Variants in EYS observed in about 807,000 individuals in gnomAD.
EYS encodes EGF-like photoreceptor maintenance factor.
EYS carries 250 observed loss-of-function variants against 282.1 expected under a neutral mutation model. The ratio of observed to expected loss-of-function variants is 0.89; its 90% confidence interval spans 0.80 to 0.98. The LOEUF is 0.98. Ranked by LOEUF, EYS falls within the 50% of genes least tolerant of loss-of-function variation. EYS has a pLI of 0.00. For synonymous variants in EYS, 1,355 were observed against 1,282.9 expected, an observed-to-expected ratio of 1.06 and a Z score of -1.20; for missense variants, 4,016 against 3,709.0, an observed-to-expected ratio of 1.08 and a Z score of -2.15.
intron 22 of EYS, among the ~76,000 whole-genome samples, chr6:64,803,072 T>A (rs958633448): frequency 6.6e-6 from 1 of 152,170 alleles, no homozygotes; most frequent in Non-Finnish European, 1.5e-5. Context: ...ATGCAGTGGT[T>A]CCCAGAAGCT....
intron 21 of EYS, among the ~76,000 whole-genome samples, chr6:64,816,929 TAAG>T (rs1487546944): frequency 6.6e-6 from 1 of 151,338 alleles, no homozygotes; most frequent in Non-Finnish European, 1.5e-5. Context: ...AGAATATTAA[TAAG>T]AAGAAAGTAG....
chr6:64,441,345 G>A (rs1007000633), intron 26 of EYS, among the ~76,000 whole-genome samples: 60 of 152,314 alleles, frequency 3.9e-4, no homozygotes, highest in African/African-American at 1.4e-3. Flanking sequence ...CTCAGGGGAT[G>A]TCAAAACTGT....
intron 30 of EYS, among the ~76,000 whole-genome samples, chr6:64,299,049 C>A (rs1167843613): frequency 1.3e-5 from 2 of 152,126 alleles, no homozygotes; most frequent in Non-Finnish European, 2.9e-5. Flanking sequence ...TAGACACAAA[C>A]CTTCTTGGAA....
intron 18 of EYS, among the ~76,000 whole-genome samples, chr6:64,897,621 A>G (rs1767516274): frequency 1.3e-5 from 2 of 152,226 alleles, no homozygotes; most frequent in South Asian, 4.1e-4. Context: ...AATTGACAAA[A>G]GTAGGCTTTA....
At chr6:63,948,267 C>T (rs1765457706) in intron 35 of EYS, among the ~76,000 whole-genome samples, 1 of 152,200 alleles carries the variant, frequency 6.6e-6, no homozygotes. Context: ...GATGGATATG[C>T]CTTTTTTCTC....
chr6:65,571,689 T>A (rs1443233272), intron 2 of EYS, among the ~76,000 whole-genome samples: 1 of 152,000 alleles, frequency 6.6e-6, no homozygotes, highest in Non-Finnish European at 1.5e-5. Context: ...ACAACAATAG[T>A]TCGATAATGA....
chr6:64,502,691 C>G (rs1432063149), intron 26 of EYS, among the ~76,000 whole-genome samples: 2 of 151,566 alleles, frequency 1.3e-5, no homozygotes, highest in Non-Finnish European at 2.9e-5. Context: ...CTGCTATTGA[C>G]AGTTTTGTTT....
At chr6:63,857,239 A>C (rs1375198510) in intron 36 of EYS, among the ~76,000 whole-genome samples, 6 of 152,194 alleles carry the variant, frequency 3.9e-5, no homozygotes. Context: ...GAAAGAAGGA[A>C]GATTTGGAGG....
chr6:64,170,608 T>G (rs536341257), intron 31 of EYS, among the ~76,000 whole-genome samples: 15 of 150,684 alleles, frequency 1.0e-4, no homozygotes, highest in Non-Finnish European at 1.9e-4. Flanking sequence ...TCCAAATCTC[T>G]CCTTATAGCA....
chr6:64,074,057 A>C (rs1771681496), intron 32 of EYS, among the ~76,000 whole-genome samples: 1 of 151,736 alleles, frequency 6.6e-6, no homozygotes, highest in Non-Finnish European at 1.5e-5. Flanking sequence ...GCTTTGTAGT[A>C]AGTTTTAAAA....
chr6:64,296,598 A>ACATATATATATAT (rs1769033771), intron 30 of EYS, among the ~76,000 whole-genome samples: 1 of 20,126 alleles, frequency 5.0e-5, no homozygotes, highest in Admixed American at 7.8e-4. Context: ...ATATATATAT[A>ACATATATATATAT]TTTTTTTTTT....
intron 22 of EYS, among the ~76,000 whole-genome samples, chr6:64,777,837 A>G (rs1275306728): frequency 2.0e-5 from 3 of 152,230 alleles, no homozygotes; most frequent in East Asian, 3.9e-4. Context: ...TAATCTCAAC[A>G]CTTTGAAGGA....
At chr6:65,605,945 C>T (rs1421322247) in intron 2 of EYS, among the ~76,000 whole-genome samples, 1 of 151,492 alleles carries the variant, frequency 6.6e-6, no homozygotes, top group African/African-American at 2.4e-5. Flanking sequence ...TATACATTTC[C>T]TTTTACACAT....
chr6:65,109,577 T>G (rs184062657), intron 12 of EYS, among the ~76,000 whole-genome samples: 1 of 151,978 alleles, frequency 6.6e-6, no homozygotes, highest in Non-Finnish European at 1.5e-5. Flanking sequence ...GCCCCCCCTT[T>G]GGCTCTTTCC....
chr6:65,009,317 A>G (rs955313997), intron 13 of EYS, among the ~76,000 whole-genome samples: 1 of 152,100 alleles, frequency 6.6e-6, no homozygotes, highest in Admixed American at 6.5e-5. Context: ...CAGTATTCCA[A>G]TTTTAGGAGT....
At chr6:64,762,531 A>G (rs943262387) in intron 22 of EYS, among the ~76,000 whole-genome samples, 1 of 152,188 alleles carries the variant, frequency 6.6e-6, no homozygotes, top group African/African-American at 2.4e-5. Context: ...ACAGTAAGAA[A>G]TGATTAAATT....
At chr6:64,754,025 A>C (rs1562172488) in intron 22 of EYS, among the ~76,000 whole-genome samples, 1 of 152,170 alleles carries the variant, frequency 6.6e-6, no homozygotes, top group Non-Finnish European at 1.5e-5. Context: ...TGATGAAATT[A>C]ATTTGGAAAT....
intron 22 of EYS, among the ~76,000 whole-genome samples, chr6:64,805,916 G>A (rs1055550322): frequency 6.6e-6 from 1 of 151,348 alleles, no homozygotes; most frequent in Non-Finnish European, 1.5e-5. Context: ...GGTTGTGATA[G>A]TTCAGGAGGT....
At chr6:65,703,375 T>C (rs1769750617) in intron 1 of EYS, among the ~76,000 whole-genome samples, 1 of 152,114 alleles carries the variant, frequency 6.6e-6, no homozygotes, top group Non-Finnish European at 1.5e-5. Context: ...GCAATAATTC[T>C]TTTTTTATAA....
Sources: allele counts gnomAD v4.1 joint callset (sites outside exome capture counted in the v4.1 genomes callset), GRCh38; gene constraint gnomAD v4.1.1; transcripts MANE v1.5; gene names NCBI Gene and HGNC (gene_info 2026-07-23, HGNC 2026-07-21).